The following PCSK2 variants were observed in gnomAD, a reference collection of about 807,000 sequenced individuals.
PCSK2 encodes neuroendocrine convertase 2.
Under a neutral mutation model 69.7 loss-of-function variants are expected in PCSK2, and 14 were observed. That is an observed-to-expected ratio of 0.20 (90% CI 0.13 to 0.31). The LOEUF is 0.31. Among genes scored for constraint, PCSK2 ranks in the 10% least tolerant of loss-of-function variants. The probability of loss-of-function intolerance (pLI) is 1.00; values close to 1 mark genes in which losing one functional copy is unlikely to be tolerated. For missense variants in PCSK2, 544 were observed against 842.5 expected (o/e 0.65, Z 4.39); for synonymous variants, 307 against 320.7 (o/e 0.96, Z 0.46).
chr20:17,456,370 A>G lies in PCSK2; in HGVS notation c.1124A>G (p.Asn375Ser), dbSNP rs2032923389. The change falls in exon 10 of 12, where the codon AAC (asparagine) becomes AGC (serine). Residue 375 changes from asparagine (N) to serine (S), a missense_variant. This residue lies in a region of PCSK2 where 187 missense variants were observed against 399.8 expected (regional missense o/e 0.47). Transcript: ENST00000262545. ...CAGGCAACCACAGATTTGTACGGCA[A>G]CTGCACTCTGAGGCATTCTGGGACA... The part of the protein sequence containing the change: ...AGVATTDLYG[N>S]CTLRHSGTSA... 1 of 1,611,772 alleles carries G rather than the reference A, an allele frequency of 6.2e-7. No individual in the cohort carries two copies. The highest frequency in any genetic ancestry group is 8.5e-7 in the Non-Finnish European group (1 of 1,177,778).
At chr20:17,310,977 G>A (rs1175389368) in intron 2 of PCSK2, among the ~76,000 whole-genome samples, 6 of 144,786 alleles carry the variant, frequency 4.1e-5, no homozygotes, top group Non-Finnish European at 8.9e-5. Context: ...ACTCCAGCCT[G>A]GGCTACAGAG....
rs1401444160 is a variant in PCSK2, at chr20:17,276,653, A to G, written c.282+16309A>G. Among the ~76,000 whole-genome samples, 3 of 152,248 alleles carry G rather than the reference A, an allele frequency of 2.0e-5. No individual in the cohort carries two copies. In the East Asian group the frequency reaches 5.8e-4, roughly 29 times the overall value. On this transcript the variant is annotated intron_variant, in intron 2 of 11. Transcript: ENST00000262545. ...ACAGCTTTTTGTTTCCCTGTAGTTA[A>G]TAATGGCCCTGTGATGCCCTCTCTC...
intron 8 of PCSK2, among the ~76,000 whole-genome samples, chr20:17,443,364 C>T (rs1380030027): frequency 6.6e-6 from 1 of 152,144 alleles, no homozygotes; most frequent in Non-Finnish European, 1.5e-5. Flanking sequence ...ACGTCCCTAC[C>T]CTGTTTCAAT....
rs1181919866 is a variant in PCSK2 at position 17,482,206 on chromosome 20, C to G, written c.*136C>G. On this transcript the variant is annotated 3_prime_UTR_variant, in exon 12 of 12. Coordinates refer to ENST00000262545, the MANE Select transcript of PCSK2 (RefSeq NM_002594.5). ...TCTTCTTAATCTGAAGCTTCACTCACTGTCAATGATTATTTTCATTACAAT... is the reference window on the plus strand; with the variant it reads ...TCTTCTTAATCTGAAGCTTCACTCAGTGTCAATGATTATTTTCATTACAAT... 3 of 745,484 alleles carry G rather than the reference C, an allele frequency of 4.0e-6. No homozygotes were observed. The East Asian group carries it at 8.2e-5, about 20-fold the overall frequency. 46.2% of individuals were successfully genotyped at this position (745,484 alleles called of 1,614,324 possible).
chr20:17,391,512 G>A (rs182741598), intron 5 of PCSK2, among the ~76,000 whole-genome samples: 1 of 152,306 alleles, frequency 6.6e-6, no homozygotes, highest in Non-Finnish European at 1.5e-5. Flanking sequence ...TAATTAACCA[G>A]AAATGAAGAC....
intron 4 of PCSK2, among the ~76,000 whole-genome samples, chr20:17,366,234 T>C (rs980467064): frequency 6.6e-6 from 1 of 152,244 alleles, no homozygotes; most frequent in African/African-American, 2.4e-5. Flanking sequence ...CCTCGAGGTC[T>C]CCAGGACTGT....
rs1231007065 is a variant in PCSK2, at chr20:17,260,235, C to T, written c.178-5C>T. The T allele has an allele frequency of 6.3e-7, 1 of 1,599,718 alleles. No individual in the cohort carries two copies. The highest frequency in any genetic ancestry group is 1.3e-5 in the African/African-American group (1 of 74,670). On this transcript the variant is annotated splice_region_variant and splice_polypyrimidine_tract_variant and intron_variant, in intron 1 of 11. Transcript: ENST00000262545. ...CTATGCCTATGTCTACTTGACTCTC[C>T]ACAGCTTCCCTTTGCTGAAGGTCTG...
chr20:17,236,839 C>A (rs575449396), intron 1 of PCSK2, among the ~76,000 whole-genome samples: 1 of 152,160 alleles, frequency 6.6e-6, no homozygotes, highest in East Asian at 1.9e-4. Context: ...GTGATAATAT[C>A]CACTTAGGAA....
intron 2 of PCSK2, among the ~76,000 whole-genome samples, chr20:17,286,637 C>A (rs1988519369): frequency 6.6e-6 from 1 of 152,242 alleles, no homozygotes; most frequent in African/African-American, 2.4e-5. Flanking sequence ...TGGATATTAC[C>A]TTTCTGCCAT....
chr20:17,445,566 T>A (rs142740433), intron 8 of PCSK2, among the ~76,000 whole-genome samples: 1 of 152,196 alleles, frequency 6.6e-6, no homozygotes, highest in East Asian at 1.9e-4. Context: ...AAAACCACCA[T>A]CCAGGAAAGC....
intron 2 of PCSK2, among the ~76,000 whole-genome samples, chr20:17,322,742 T>C (rs1270770245): frequency 6.6e-6 from 1 of 152,212 alleles, no homozygotes; most frequent in African/African-American, 2.4e-5. Flanking sequence ...GTAGAAGTGA[T>C]GGAAGGACAA....
Position 17,449,526 on chromosome 20 carries a change from G to GTATGTATATA in PCSK2, c.886-4213_886-4212insGTATATATAT, listed in dbSNP as rs1555796489. 4.5e-3 allele frequency among the ~76,000 whole-genome samples: 594 copies of GTATGTATATA among 130,700 alleles called. 17 individuals are homozygous for GTATGTATATA. The highest frequency in any genetic ancestry group is 0.017 in the African/African-American group (574 of 33,676). The allele number at this position is 130,700 out of a possible 152,430, so 85.7% of individuals were successfully genotyped here. A position where few individuals can be genotyped will look rare whatever the true frequency, so the allele number is the denominator to read the frequency against. On this transcript the variant is annotated intron_variant, in intron 8 of 11. Transcript: ENST00000262545. Reference sequence around the variant, plus strand: ...AATATACATATATATATGTATGTATGTATATATATATATGTATATTTGAGA... The same window carrying GTATGTATATA: ...AATATACATATATATATGTATGTATGTATGTATATATATATATATATATGTATATTTGAGA...
intron 6 of PCSK2, among the ~76,000 whole-genome samples, chr20:17,414,341 G>C (rs1410874874): frequency 6.6e-6 from 1 of 152,124 alleles, no homozygotes; most frequent in Non-Finnish European, 1.5e-5. Flanking sequence ...ATTCAAAAAT[G>C]ATAAAGGGGA....
intron 7 of PCSK2, among the ~76,000 whole-genome samples, chr20:17,435,602 C>A (rs1317177198): frequency 6.6e-6 from 1 of 152,184 alleles, no homozygotes; most frequent in Non-Finnish European, 1.5e-5. Flanking sequence ...GGCACAACAT[C>A]CTTTGGCCAC....
intron 5 of PCSK2, among the ~76,000 whole-genome samples, chr20:17,396,640 G>A (rs1397750173): frequency 6.6e-6 from 1 of 151,296 alleles, no homozygotes; most frequent in African/African-American, 2.4e-5. Flanking sequence ...TTTGAAACAG[G>A]GTCTCACTGT....
intron 2 of PCSK2, among the ~76,000 whole-genome samples, chr20:17,353,238 G>A (rs1473015917): frequency 9.8e-5 from 13 of 132,618 alleles, no homozygotes; most frequent in African/African-American, 3.1e-4. Context: ...CAAGGCGGGC[G>A]GATCACGAGG....
Position 17,482,105 on chromosome 20 carries a change from C to T in PCSK2, c.*35C>T. ...TCCGCCTTTCCCACCGCCCTCCCTCCCCAGCTCCGCCTCTGTCCTCGCTCC... is the reference window on the plus strand; with the variant it reads ...TCCGCCTTTCCCACCGCCCTCCCTCTCCAGCTCCGCCTCTGTCCTCGCTCC... On this transcript the variant is annotated 3_prime_UTR_variant, in exon 12 of 12. Transcript: ENST00000262545. 6.6e-7 allele frequency: 1 copy of T among 1,522,316 alleles called. No homozygotes were observed. The highest frequency in any genetic ancestry group is 8.8e-7 in the Non-Finnish European group (1 of 1,138,422). 94.3% of individuals were successfully genotyped at this position (1,522,316 alleles called of 1,614,324 possible).
At chr20:17,401,971 G>A (rs1413148129) in intron 5 of PCSK2, among the ~76,000 whole-genome samples, 1 of 152,116 alleles carries the variant, frequency 6.6e-6, no homozygotes, top group African/African-American at 2.4e-5. Context: ...ACGCTTTTAG[G>A]GAAGCTCTTA....
intron 6 of PCSK2, among the ~76,000 whole-genome samples, chr20:17,415,853 G>T (rs2031987705): frequency 6.6e-6 from 1 of 151,742 alleles, no homozygotes; most frequent in African/African-American, 2.4e-5. Flanking sequence ...CAGAACAGAG[G>T]CCTCAGAAAT....
Sources: gnomAD v4.1 joint callset for allele counts (sites outside exome capture counted in the v4.1 genomes callset) on GRCh38, gnomAD v4.1.1 for gene constraint, gnomAD v4.1.1 regional missense constraint, MANE v1.5 for transcripts, NCBI Gene and HGNC (gene_info 2026-07-23, HGNC 2026-07-21) for gene names.